The following ZNF784 variants were observed in gnomAD, a reference collection of about 807,000 sequenced individuals.
The protein encoded by ZNF784 is zinc finger protein 784.
Under a neutral mutation model 3.3 loss-of-function variants are expected in ZNF784, and 5 were observed. The ratio of observed to expected loss-of-function variants is 1.53; its 90% CI spans 0.80 to 3.22. The LOEUF is 3.22. Ranked by LOEUF, ZNF784 falls within the 30% of genes most tolerant of loss-of-function variation. The pLI, the probability that ZNF784 is intolerant of heterozygous loss-of-function variation, is 0.00. For synonymous variants in ZNF784, 231 were observed against 219.6 expected, an observed-to-expected ratio of 1.05 and a Z score of -0.46; for missense variants, 501 against 480.7, an observed-to-expected ratio of 1.04 and a Z score of -0.39.
At chr19:55,624,397 CTCATAG>C in intron 1 of ZNF784, 81 bp downstream of exon 1, 3 of 1,209,970 alleles carry the variant, frequency 2.5e-6, no homozygotes, top group Non-Finnish European at 3.5e-6. Flanking sequence ...CGCCCACCCC[CTCATAG>C]GCCACGCCCC....
In ZNF784 at chr19:55,622,532, G is replaced by C; in HGVS notation, c.191C>G (p.Ser64Cys). Residue 64 changes from serine (S) to cysteine (C), a missense_variant, in exon 2 of 2, where the codon TCT (serine) becomes TGT (cysteine). Coordinates refer to ENST00000325351, the MANE Select transcript of ZNF784 (RefSeq NM_203374.2). The surrounding 1 kb of genome is among the most constrained non-coding windows in gnomAD (Gnocchi z 5.9). The stretch of plus-strand genomic sequence containing the variant: ...AGCAGGGCACAAGGCACAGTGGAAA[G>C]AACCTGGCTCCGGGGGCTCAGGGAC... ...TLVPEPPEPG[S>C]FHCALCPAAF... 6.2e-7 allele frequency: 1 copy of C among 1,612,258 alleles called. No homozygotes were observed. The highest frequency in any genetic ancestry group is 8.5e-7 in the Non-Finnish European group (1 of 1,179,546).
intron 1 of ZNF784, 71 bp downstream of exon 1, chr19:55,624,413 C>A: frequency 7.0e-7 from 1 of 1,432,852 alleles, no homozygotes; most frequent in Non-Finnish European, 9.5e-7. Context: ...GGCCACGCCC[C>A]GGACCCGCCC....
Position 55,621,848 on chromosome 19 carries a change from G to C in ZNF784, c.875C>G (p.Ser292Trp), listed in dbSNP as rs769573260. 9 of 1,385,164 alleles carry C rather than the reference G, an allele frequency of 6.5e-6. No homozygotes were observed. In the South Asian group the frequency reaches 1.0e-4, roughly 16 times the overall value. 85.8% of individuals were successfully genotyped at this position (1,385,164 alleles called of 1,614,324 possible). Residue 292 changes from serine (S) to tryptophan (W), a missense_variant, in exon 2 of 2, where the codon TCG becomes TGG. Coordinates refer to ENST00000325351, the MANE Select transcript of ZNF784 (RefSeq NM_203374.2). This position sits in a 1 kb window ranked among gnomAD's most constrained non-coding sequence, Gnocchi z 4.1. The stretch of plus-strand genomic sequence containing the variant: ...CCCGCTCCCCGACCCCTCAGCCGCC[G>C]ACGAGCCCAGCTGGCCTCCAGAGTC... ...LGDSGGQLGS[S>W]AAEGSGSGCG...
In ZNF784 at chr19:55,622,703, C is replaced by G; in HGVS notation, c.79-59G>C. The G allele has an allele frequency of 1.4e-6, 2 of 1,386,450 alleles. No homozygotes were observed. The highest frequency in any genetic ancestry group is 1.9e-6 in the Non-Finnish European group (2 of 1,048,138). The allele number at this position is 1,386,450 out of a possible 1,614,324, so 85.9% of individuals were successfully genotyped here. On this transcript the variant is annotated intron_variant, in intron 1 of 1. Coordinates refer to ENST00000325351, the MANE Select transcript of ZNF784 (RefSeq NM_203374.2). This position sits in a 1 kb window ranked among gnomAD's most constrained non-coding sequence, Gnocchi z 5.9. The stretch of plus-strand genomic sequence containing the variant: ...AACCTGCCTCAGGACCGCCCCAGCA[C>G]GCCCCAATTATTAAAGCTTGGGCTC...
chr19:55,623,003 C>A (rs931304402), intron 1 of ZNF784, among the ~76,000 whole-genome samples: 1 of 152,164 alleles, frequency 6.6e-6, no homozygotes, highest in African/African-American at 2.4e-5. Flanking sequence ...ATGGCAAATA[C>A]CGTTTCTACT....
In ZNF784 at chr19:55,622,776, G is replaced by C. The variant is rs1981618823; in HGVS notation, c.79-132C>G. On this transcript the variant is annotated intron_variant, in intron 1 of 1. Coordinates refer to ENST00000325351, the MANE Select transcript of ZNF784 (RefSeq NM_203374.2). This position sits in a 1 kb window ranked among gnomAD's most constrained non-coding sequence, Gnocchi z 5.9. ...CTCACTCTGTTGCCCTGGCGCGATC[G>C]TGGCTCATTGCAACCTTGACCTCCT... The C allele has an allele frequency of 5.1e-6, 4 of 777,502 alleles. No homozygotes were observed. The highest frequency in any genetic ancestry group is 2.9e-5 in the South Asian group (1 of 34,934). The allele number at this position is 777,502 out of a possible 1,614,324, so 48.2% of individuals were successfully genotyped here. A position where few individuals can be genotyped will look rare whatever the true frequency, so the allele number is the denominator to read the frequency against.
Position 55,621,613 on chromosome 19 carries a change from T to G in ZNF784, c.*138A>C, listed in dbSNP as rs1340940236. 4.2e-6 allele frequency: 5 copies of G among 1,199,378 alleles called. No individual in the cohort carries two copies. In the Admixed American group the frequency reaches 1.2e-4, roughly 28 times the overall value. The allele number at this position is 1,199,378 out of a possible 1,614,324, so 74.3% of individuals were successfully genotyped here. ...CCCTCTGCTCTCCATCACTAGCGGC[T>G]CACAACCATCCCTGCAGCTGTCATC... On this transcript the variant is annotated 3_prime_UTR_variant, in exon 2 of 2. Transcript: ENST00000325351. The surrounding 1 kb of genome is among the most constrained non-coding windows in gnomAD (Gnocchi z 4.1).
At chr19:55,623,071 G>A (rs1459684470) in intron 1 of ZNF784, among the ~76,000 whole-genome samples, 3 of 152,186 alleles carry the variant, frequency 2.0e-5, no homozygotes, top group Non-Finnish European at 4.4e-5. Context: ...AGCTACTCGG[G>A]AGACTAAGAC....
rs2123603438 is a variant in ZNF784 at position 55,624,533 on chromosome 19, C to G, written c.29G>C (p.Ser10Thr). The G allele has an allele frequency of 6.3e-7, 1 of 1,600,000 alleles. No homozygotes were observed. Among genetic ancestry groups the G allele is most frequent in the South Asian group, 1.1e-5 (1 of 88,776 alleles). MAAARPEAQ[S>T]RSSPTPESRS... Reference sequence around the variant, plus strand: ...CGACTCCGGAGTCGGTGAGCTCCGACTCTGGGCCTCTGGGCGCGCAGCGGC... The same window carrying G: ...CGACTCCGGAGTCGGTGAGCTCCGAGTCTGGGCCTCTGGGCGCGCAGCGGC... Residue 10 changes from serine (S) to threonine (T), a missense_variant, in exon 1 of 2, where the codon AGT becomes ACT. Ser to Thr is a moderately conservative substitution (Grantham distance 58, BLOSUM62 1). Coordinates refer to ENST00000325351, the MANE Select transcript of ZNF784 (RefSeq NM_203374.2).
intron 1 of ZNF784, among the ~76,000 whole-genome samples, chr19:55,623,090 C>T (rs1305830793): frequency 1.3e-5 from 2 of 152,184 alleles, no homozygotes; most frequent in African/African-American, 2.4e-5. Context: ...ACACGAGAAT[C>T]GCTTGAACCC....
chr19:55,621,561 G>T lies in ZNF784; in HGVS notation c.*190C>A. ...GGCCTGGCAGAGGTGCTGTGTGGGC[G>T]TGTGGGAGTCTGGAGCCTGGCCCTC... On this transcript the variant is annotated 3_prime_UTR_variant, in exon 2 of 2. Coordinates refer to ENST00000325351, the MANE Select transcript of ZNF784 (RefSeq NM_203374.2). This position sits in a 1 kb window ranked among gnomAD's most constrained non-coding sequence, Gnocchi z 4.1. 1 of 748,334 alleles carries T rather than the reference G, an allele frequency of 1.3e-6. No individual in the cohort carries two copies. Among genetic ancestry groups the T allele is most frequent in the Non-Finnish European group, 2.1e-6 (1 of 468,016 alleles). The allele number at this position is 748,334 out of a possible 1,614,324, so 46.4% of individuals were successfully genotyped here. A position where few individuals can be genotyped will look rare whatever the true frequency, so the allele number is the denominator to read the frequency against.
Position 55,622,541 on chromosome 19 carries a change from T to G in ZNF784, c.182A>C (p.Glu61Ala), listed in dbSNP as rs773529742. ...CAAGGCACAGTGGAAAGAACCTGGC[T>G]CCGGGGGCTCAGGGACCAGCGTGGT... ...TDTTLVPEPP[E>A]PGSFHCALCP... Residue 61 changes from glutamate (E) to alanine (A), a missense_variant, in exon 2 of 2, where the codon GAG (glutamate) becomes GCG (alanine). Physicochemically the swap from Glu to Ala is moderately radical, Grantham distance 107. Coordinates refer to ENST00000325351, the MANE Select transcript of ZNF784 (RefSeq NM_203374.2). The surrounding 1 kb of genome is among the most constrained non-coding windows in gnomAD (Gnocchi z 5.9). 1.2e-6 allele frequency: 2 copies of G among 1,611,758 alleles called. No homozygotes were observed. The highest frequency in any genetic ancestry group is 3.3e-5 in the Admixed American group (2 of 59,874).
In ZNF784 at chr19:55,621,660, C is replaced by T. The variant is rs1175732102; in HGVS notation, c.*91G>A. 1.3e-6 allele frequency: 2 copies of T among 1,483,570 alleles called. No homozygotes were observed. The highest frequency in any genetic ancestry group is 2.7e-5 in the African/African-American group (2 of 73,448). The allele number at this position is 1,483,570 out of a possible 1,614,324, so 91.9% of individuals were successfully genotyped here. A position where few individuals can be genotyped will look rare whatever the true frequency, so the allele number is the denominator to read the frequency against. On this transcript the variant is annotated 3_prime_UTR_variant, in exon 2 of 2. Coordinates refer to ENST00000325351, the MANE Select transcript of ZNF784 (RefSeq NM_203374.2). The surrounding 1 kb of genome is among the most constrained non-coding windows in gnomAD (Gnocchi z 4.1). Reference sequence around the variant, plus strand: ...CATCTCTCCCCCAATCTCCCCTCTTCTGTCCCCTGCCTCCGTTTCCCCACC... The same window carrying T: ...CATCTCTCCCCCAATCTCCCCTCTTTTGTCCCCTGCCTCCGTTTCCCCACC...
Position 55,622,229 on chromosome 19 carries a change from G to A in ZNF784, c.494C>T (p.Ala165Val), listed in dbSNP as rs1294269353. Residue 165 changes from alanine (A) to valine (V), a missense_variant, in exon 2 of 2, where the codon GCG becomes GTG. Transcript: ENST00000325351. The surrounding 1 kb of genome is among the most constrained non-coding windows in gnomAD (Gnocchi z 5.9). ...CCCGGGCCTCTGTTCTGCAACGGCC[G>A]CTGTGTCCGGAGGCCTCCGAGAGGT... ...PGTSRRPPDTAAVAEQRPGVA... is the reference protein window; with the variant it reads ...PGTSRRPPDTVAVAEQRPGVA... The A allele has an allele frequency of 6.5e-7, 1 of 1,535,538 alleles. No homozygotes were observed. The highest frequency in any genetic ancestry group is 2.0e-5 in the Admixed American group (1 of 50,900).
rs1426295511 is a variant in ZNF784, at chr19:55,622,395, A to C, written c.328T>G (p.Cys110Gly). The C allele has an allele frequency of 2.6e-6, 4 of 1,559,746 alleles. No individual in the cohort carries two copies. The highest frequency in any genetic ancestry group is 3.5e-6 in the Non-Finnish European group (4 of 1,154,558). Residue 110 changes from cysteine to glycine, a missense_variant, in exon 2 of 2, where the codon TGC becomes GGC. Cys to Gly is a radical substitution (Grantham distance 159). Transcript: ENST00000325351. This position sits in a 1 kb window ranked among gnomAD's most constrained non-coding sequence, Gnocchi z 5.9. ...PSRCHVCGHSCPGPASLRAHY... is the reference protein window; with the variant it reads ...PSRCHVCGHSGPGPASLRAHY... The stretch of plus-strand genomic sequence containing the variant: ...GCGCGCAGGCTGGCGGGGCCCGGGC[A>C]GCTGTGGCCGCACACGTGGCACCGG...
chr19:55,624,362 G>C (rs1981672174), intron 1 of ZNF784, 122 bp downstream of exon 1: 1 of 452,946 alleles, frequency 2.2e-6, no homozygotes, highest in Non-Finnish European at 3.2e-6. Context: ...CCCACCCCCA[G>C]GGCCATAGCA....
intron 1 of ZNF784, among the ~76,000 whole-genome samples, chr19:55,624,216 C>G (rs1164493830): frequency 6.6e-6 from 1 of 151,436 alleles, no homozygotes; most frequent in Non-Finnish European, 1.5e-5. Flanking sequence ...GACCCAAACC[C>G]GTCCCACAAG....
chr19:55,621,690 C>A lies in ZNF784; in HGVS notation c.*61G>T. 2 of 1,556,530 alleles carry A rather than the reference C, an allele frequency of 1.3e-6. No homozygotes were observed. Among genetic ancestry groups the A allele is most frequent in the Non-Finnish European group, 1.7e-6 (2 of 1,152,580 alleles). ...CCCTGCCTCCGTTTCCCCACCCCGTCCCCCTCCCCGGGTCGGCCTCGTACC... is the reference window on the plus strand; with the variant it reads ...CCCTGCCTCCGTTTCCCCACCCCGTACCCCTCCCCGGGTCGGCCTCGTACC... On this transcript the variant is annotated 3_prime_UTR_variant, in exon 2 of 2. Coordinates refer to ENST00000325351, the MANE Select transcript of ZNF784 (RefSeq NM_203374.2). The surrounding 1 kb of genome is among the most constrained non-coding windows in gnomAD (Gnocchi z 4.1).
At position 55,621,842 on chromosome 19, in the gene ZNF784, G is replaced by T. The variant is rs781128372; in HGVS notation, c.881C>A (p.Ala294Asp). Residue 294 changes from alanine to aspartate, a missense_variant, in exon 2 of 2, where the codon GCT (alanine) becomes GAT (aspartate). Transcript: ENST00000325351. This position sits in a 1 kb window ranked among gnomAD's most constrained non-coding sequence, Gnocchi z 4.1. ...DSGGQLGSSA[A>D]EGSGSGCGVG... ...CCCACACCCGCTCCCCGACCCCTCA[G>T]CCGCCGACGAGCCCAGCTGGCCTCC... The T allele has an allele frequency of 2.1e-5, 33 of 1,559,106 alleles. No individual in the cohort carries two copies. The Admixed American group carries it at 3.9e-4, about 18-fold the overall frequency.
Sources: allele counts gnomAD v4.1 joint callset (sites outside exome capture counted in the v4.1 genomes callset), GRCh38; gene constraint gnomAD v4.1.1; non-coding constraint Gnocchi (gnomAD v3.1); transcripts MANE v1.5; gene names NCBI Gene and HGNC (gene_info 2026-07-23, HGNC 2026-07-21).